The following CDH10 variants were observed in gnomAD, a reference collection of about 807,000 sequenced individuals.
CDH10 encodes cadherin 10.
CDH10 carries 30 observed loss-of-function variants against 73.1 expected under a neutral mutation model. The observed-to-expected ratio is 0.41, with a 90% confidence interval of 0.31 to 0.56. The LOEUF (loss-of-function observed/expected upper bound fraction) is 0.56, where lower values mean the gene tolerates loss of function less well. Ranked by LOEUF, CDH10 falls within the 20% of genes least tolerant of loss-of-function variation. The pLI is 0.27. For missense variants in CDH10, 815 were observed against 973.7 expected (o/e 0.84, Z 2.17); for synonymous variants, 345 against 348.2 (o/e 0.99, Z 0.10).
At chr5:24,543,129 T>C (rs941241453) in intron 2 of CDH10, among the ~76,000 whole-genome samples, 1 of 152,134 alleles carries the variant, frequency 6.6e-6, no homozygotes, top group Non-Finnish European at 1.5e-5. Flanking sequence ...ATTTTCACCA[T>C]TGGCTAGAAG....
At chr5:24,506,112 C>CAAAAAAAAAAAAAAAAAGAAA (rs1742690303) in intron 7 of CDH10, among the ~76,000 whole-genome samples, 1 of 81,932 alleles carries the variant, frequency 1.2e-5, no homozygotes. Flanking sequence ...AAGACTCCGT[C>CAAAAAAAAAAAAAAAAAGAAA]AAAAAAAAAA....
At chr5:24,559,559 A>T (rs1356866318) in intron 2 of CDH10, among the ~76,000 whole-genome samples, 5 of 152,042 alleles carry the variant, frequency 3.3e-5, no homozygotes, top group Admixed American at 3.3e-4. Context: ...AAAATTGAAA[A>T]TGTTTTTGGT....
chr5:24,510,459 A>T lies in CDH10; in HGVS notation c.1003-640T>A, dbSNP rs73743608. Among the ~76,000 whole-genome samples, 1,503 of 152,318 alleles carry T rather than the reference A, an allele frequency of 9.9e-3. 26 individuals carry two copies. Among genetic ancestry groups the T allele is most frequent in the African/African-American group, 0.034 (1,431 of 41,568 alleles). On this transcript the variant is annotated intron_variant, in intron 6 of 11. Transcript: ENST00000264463. ...TATAAAATCAACTATTTTCTATCTC[A>T]CCTATTCTGAAATGTATGTTTTGTT...
intron 2 of CDH10, among the ~76,000 whole-genome samples, chr5:24,560,276 G>A (rs1422493190): frequency 1.3e-5 from 2 of 150,818 alleles, no homozygotes; most frequent in East Asian, 1.9e-4. Flanking sequence ...CATTTCCTCT[G>A]GCTTGCATGC....
intron 6 of CDH10, among the ~76,000 whole-genome samples, 195 bp from the exon 7 acceptor site, chr5:24,510,014 A>G (rs1231749529): frequency 6.6e-6 from 1 of 152,206 alleles, no homozygotes; most frequent in Non-Finnish European, 1.5e-5. Context: ...TATGCATTCA[A>G]TTAGTAAAAC....
At chr5:24,573,011 A>T (rs1745451324) in intron 2 of CDH10, among the ~76,000 whole-genome samples, 1 of 151,336 alleles carries the variant, frequency 6.6e-6, no homozygotes, top group Non-Finnish European at 1.5e-5. Flanking sequence ...AAAAATAAAG[A>T]TCACCAGAAA....
chr5:24,532,648 T>A (rs889512921), intron 5 of CDH10, among the ~76,000 whole-genome samples: 2 of 152,088 alleles, frequency 1.3e-5, no homozygotes, highest in African/African-American at 4.8e-5. Context: ...AAGAATTAGA[T>A]AAAAAAATTT....
rs112573122 is a variant in CDH10, at chr5:24,496,113, T to C, written c.1515+2285A>G. The stretch of plus-strand genomic sequence containing the variant: ...TATGGAAAATATGTAATGGGATATT[T>C]TTGGTTTCTTAAAGGCTTAGTTGTC... On this transcript the variant is annotated intron_variant, in intron 9 of 11. Transcript: ENST00000264463. Among the ~76,000 whole-genome samples, 872 of 152,178 alleles carry C rather than the reference T, an allele frequency of 5.7e-3. 7 individuals are homozygous for C. Among genetic ancestry groups the C allele is most frequent in the African/African-American group, 0.02 (824 of 41,538 alleles).
intron 4 of CDH10, 45 bp downstream of exon 4, chr5:24,535,657 TC>T (rs755413363): frequency 1.7e-5 from 27 of 1,564,200 alleles, no homozygotes; most frequent in Non-Finnish European, 2.3e-5. Flanking sequence ...CTGATAAAGG[TC>T]ATAAAGATGA....
chr5:24,587,004 C>T (rs1256815366), intron 2 of CDH10, among the ~76,000 whole-genome samples: 1 of 151,494 alleles, frequency 6.6e-6, no homozygotes, highest in African/African-American at 2.4e-5. Flanking sequence ...GCCACCGTGC[C>T]CGGCTAATTT....
At chr5:24,541,820 C>T (rs1368282143) in intron 2 of CDH10, among the ~76,000 whole-genome samples, 4 of 151,976 alleles carry the variant, frequency 2.6e-5, no homozygotes, top group South Asian at 2.1e-4. Flanking sequence ...CTGCTGTGTT[C>T]CTTGTAAATT....
Position 24,572,935 on chromosome 5 carries a change from GAAAA to G in CDH10, c.231+20321_231+20324del, listed in dbSNP as rs55946839. On this transcript the variant is annotated intron_variant, in intron 2 of 11. Transcript: ENST00000264463. ...ATCTGTATAATTGTACTTAGAAAAA[GAAAA>G]AAAAAAAAAAAAAAAAAGGAGAAGA... Among the ~76,000 whole-genome samples, 422 of 72,108 alleles carry G rather than the reference GAAAA, an allele frequency of 5.9e-3. 1 individual carries two copies. Among genetic ancestry groups the G allele is most frequent in the Middle Eastern group, 0.037 (2 of 54 alleles). 47.3% of individuals were successfully genotyped at this position (72,108 alleles called of 152,430 possible).
rs201932273 is a variant in CDH10, at chr5:24,518,370, GAT to G, written c.815-6858_815-6857del. ...CAAACGCATGTTGGAGACAGAGACA[GAT>G]ATATATACACACACACATATATATG... On this transcript the variant is annotated intron_variant, in intron 5 of 11. Coordinates refer to ENST00000264463, the MANE Select transcript of CDH10 (RefSeq NM_006727.5). 1.9e-3 allele frequency among the ~76,000 whole-genome samples: 289 copies of G among 151,960 alleles called. 4 individuals are homozygous for G. Among genetic ancestry groups the G allele is most frequent in the Admixed American group, 0.014 (221 of 15,260 alleles).
rs74871718 is a variant in CDH10, at chr5:24,534,637, C to T, written c.814+475G>A. Reference sequence around the variant, plus strand: ...CATTAAATGCAAGTCAGATAGTTTTCGGAGGTTCTCGATCTACAGTGCTTT... The same window carrying T: ...CATTAAATGCAAGTCAGATAGTTTTTGGAGGTTCTCGATCTACAGTGCTTT... On this transcript the variant is annotated intron_variant, in intron 5 of 11. Coordinates refer to ENST00000264463, the MANE Select transcript of CDH10 (RefSeq NM_006727.5). 9.6e-3 allele frequency among the ~76,000 whole-genome samples: 1,467 copies of T among 152,080 alleles called. 20 individuals carry two copies. Among genetic ancestry groups the T allele is most frequent in the African/African-American group, 0.033 (1,362 of 41,512 alleles).
chr5:24,610,196 G>A (rs1028788950), intron 1 of CDH10, among the ~76,000 whole-genome samples: 3 of 152,156 alleles, frequency 2.0e-5, no homozygotes, highest in African/African-American at 7.2e-5. Flanking sequence ...GCTTAGCAAT[G>A]TACCTTCACA....
Position 24,505,128 on chromosome 5 carries a change from A to G in CDH10, c.1377T>C (p.Val459=). 3.1e-6 allele frequency: 5 copies of G among 1,611,092 alleles called. No individual in the cohort carries two copies. Among genetic ancestry groups the G allele is most frequent in the Non-Finnish European group, 4.2e-6 (5 of 1,177,604 alleles). The change falls in exon 8 of 12, where the codon GTT becomes GTC. Residue 459 remains valine (V), a synonymous_variant. Transcript: ENST00000264463. The part of the protein sequence containing the change: ...RELSQWHNLT[V]IAAEINNPKE... ...TCATCTTACTGATTTCAGCAGCAAT[A>G]ACAGTAAGATTATGCCACTGAGATA...
At position 24,537,549 on chromosome 5, in the gene CDH10, C is replaced by A. The variant is rs1266718547; in HGVS notation, c.357G>T (p.Arg119Ser). Reference protein sequence around the residue: ...GDIHATRRIDREEKAFYTLRA... With the variant: ...GDIHATRRIDSEEKAFYTLRA... ...GTAGAGTATAAAAGGCCTTTTCCTCCCTATCAATTCGCCTTGTGGCATGAA... is the reference window on the plus strand; with the variant it reads ...GTAGAGTATAAAAGGCCTTTTCCTCACTATCAATTCGCCTTGTGGCATGAA... The change falls in exon 3 of 12, where the codon AGG (arginine) becomes AGT (serine). Residue 119 changes from arginine to serine, a missense_variant. By Grantham distance (110) the Arg-to-Ser change is moderately radical. Transcript: ENST00000264463. 2 of 1,613,174 alleles carry A rather than the reference C, an allele frequency of 1.2e-6. No individual in the cohort carries two copies. The highest frequency in any genetic ancestry group is 1.7e-6 in the Non-Finnish European group (2 of 1,179,422).
At chr5:24,565,924 A>T (rs1221592749) in intron 2 of CDH10, among the ~76,000 whole-genome samples, 1 of 151,966 alleles carries the variant, frequency 6.6e-6, no homozygotes, top group Non-Finnish European at 1.5e-5. Flanking sequence ...GAGAAAATAA[A>T]TTTCTCATTT....
At chr5:24,589,367 T>C (rs927422278) in intron 2 of CDH10, among the ~76,000 whole-genome samples, 1 of 152,154 alleles carries the variant, frequency 6.6e-6, no homozygotes, top group African/African-American at 2.4e-5. Context: ...TTTAGAAGTA[T>C]TGACAGCATA....
Sources: gnomAD v4.1 joint callset for allele counts (sites outside exome capture counted in the v4.1 genomes callset) on GRCh38, gnomAD v4.1.1 for gene constraint, MANE v1.5 for transcripts, NCBI Gene and HGNC (gene_info 2026-07-23, HGNC 2026-07-21) for gene names.